SWT1: variants seen among roughly 807,000 people sequenced by gnomAD.
SWT1 encodes the protein SWT1 RNA endoribonuclease homolog.
Under a neutral mutation model 107.3 loss-of-function variants are expected in SWT1, and 33 were observed. The ratio of observed to expected loss-of-function variants is 0.31; its 90% CI spans 0.23 to 0.41. The LOEUF (loss-of-function observed/expected upper bound fraction) is 0.41, where lower values mean the gene tolerates loss of function less well. Among genes scored for constraint, SWT1 ranks in the 10% least tolerant of loss-of-function variants. The pLI is 1.00. For missense variants in SWT1, 898 were observed against 1,028.9 expected, an observed-to-expected ratio of 0.87 and a Z score of 1.74; for synonymous variants, 345 against 348.3, an observed-to-expected ratio of 0.99 and a Z score of 0.11.
rs1571397643 is a variant in SWT1, at chr1:185,168,356, A to T, written c.182A>T (p.Asp61Val). 7.7e-7 allele frequency: 1 copy of T among 1,295,262 alleles called. No individual in the cohort carries two copies. The highest frequency in any genetic ancestry group is 2.8e-5 in the East Asian group (1 of 35,564). The allele number at this position is 1,295,262 out of a possible 1,614,324, so 80.2% of individuals were successfully genotyped here. ...EKRKLKSDHT[D>V]VLYYNIKRRQ... The stretch of plus-strand genomic sequence containing the variant: ...TTATTTCAGAAATCAGATCATACAG[A>T]TGTTCTGTACTATAATATAAAAAGA... The change falls in exon 4 of 19, where the codon GAT becomes GTT. Residue 61 changes from aspartate (D) to valine (V), a missense_variant. Asp to Val is a radical substitution (Grantham distance 152, BLOSUM62 -3). Around this residue, in one of 6 missense-constraint regions of SWT1, gnomAD observed 382 missense variants for 362.4 expected, o/e 1.05. Coordinates refer to ENST00000367500, the MANE Select transcript of SWT1 (RefSeq NM_017673.7).
At chr1:185,253,678 G>A (rs1042137954) in intron 16 of SWT1, among the ~76,000 whole-genome samples, 14 of 152,054 alleles carry the variant, frequency 9.2e-5, no homozygotes, top group African/African-American at 2.4e-4. Flanking sequence ...GGAGATTTTC[G>A]GCTGAGACGA....
At chr1:185,203,881 A>G (rs1658093702) in intron 11 of SWT1, among the ~76,000 whole-genome samples, 1 of 152,188 alleles carries the variant, frequency 6.6e-6, no homozygotes, top group Non-Finnish European at 1.5e-5. Context: ...TTTTGTCATA[A>G]TATTCAAAAT....
intron 2 of SWT1, among the ~76,000 whole-genome samples, chr1:185,162,751 C>T (rs1654255105): frequency 6.6e-6 from 1 of 151,914 alleles, no homozygotes; most frequent in Admixed American, 6.6e-5. Flanking sequence ...TTTGTTTATC[C>T]AGTACATATA....
At chr1:185,220,989 T>G (rs1054582044) in intron 14 of SWT1, among the ~76,000 whole-genome samples, 3 of 152,266 alleles carry the variant, frequency 2.0e-5, no homozygotes, top group Middle Eastern at 6.8e-3. Context: ...CTGTATACAT[T>G]CCTCTGGGGA....
intron 1 of SWT1, among the ~76,000 whole-genome samples, chr1:185,160,520 G>A (rs1341663053): frequency 2.0e-5 from 3 of 152,046 alleles, no homozygotes; most frequent in African/African-American, 7.2e-5. Context: ...GACCAACATG[G>A]TGAAACCCTG....
chr1:185,211,175 A>T (rs898795781), intron 13 of SWT1, among the ~76,000 whole-genome samples: 1 of 152,220 alleles, frequency 6.6e-6, no homozygotes, highest in Admixed American at 6.6e-5. Flanking sequence ...CTTTCTTCAC[A>T]GAATTGGAAA....
chr1:185,199,995 G>A (rs1259086185), intron 10 of SWT1, among the ~76,000 whole-genome samples: 2 of 151,798 alleles, frequency 1.3e-5, no homozygotes, highest in Non-Finnish European at 1.5e-5. Context: ...TCATTAAGTT[G>A]ATCTTCAGTT....
chr1:185,173,412 G>A (rs16823804), intron 4 of SWT1, among the ~76,000 whole-genome samples: 2,343 of 151,952 alleles, frequency 0.015, 61 homozygotes, highest in African/African-American at 0.053. Flanking sequence ...TAAGAAATCA[G>A]GTTGGGCGTA....
At chr1:185,180,210 A>G (rs1053317488) in intron 5 of SWT1, among the ~76,000 whole-genome samples, 181 bp from the exon 6 acceptor site, 4 of 152,104 alleles carry the variant, frequency 2.6e-5, no homozygotes, top group Admixed American at 2.0e-4. Context: ...GAGTAGGGGT[A>G]GGTGGGTAGT....
At chr1:185,166,042 AT>A (rs1488322936) in intron 2 of SWT1, among the ~76,000 whole-genome samples, 1 of 151,424 alleles carries the variant, frequency 6.6e-6, no homozygotes, top group African/African-American at 2.4e-5. Flanking sequence ...TCTCTGCTTT[AT>A]TTTTTTCCAC....
chr1:185,172,907 G>T (rs924346705), intron 4 of SWT1, among the ~76,000 whole-genome samples: 1 of 152,042 alleles, frequency 6.6e-6, no homozygotes, highest in Non-Finnish European at 1.5e-5. Context: ...AGCCGGGCGT[G>T]GTGGTGTGTG....
At chr1:185,217,354 C>T (rs1659299260) in intron 14 of SWT1, among the ~76,000 whole-genome samples, 1 of 152,198 alleles carries the variant, frequency 6.6e-6, no homozygotes, top group Admixed American at 6.5e-5. Flanking sequence ...CCATCACTCA[C>T]ATTACTGTCT....
Position 185,174,378 on chromosome 1 carries a change from T to G in SWT1, c.231T>G (p.Ser77Arg). The G allele has an allele frequency of 6.5e-7, 1 of 1,542,932 alleles. No individual in the cohort carries two copies. Among genetic ancestry groups the G allele is most frequent in the South Asian group, 1.3e-5 (1 of 77,336 alleles). Residue 77 changes from serine (S) to arginine (R), a missense_variant, in exon 5 of 19, where the codon AGT (serine) becomes AGG (arginine). Ser to Arg is a moderately radical substitution (Grantham distance 110). This residue lies in a region of SWT1 where 382 missense variants were observed against 362.4 expected (regional missense o/e 1.05). Coordinates refer to ENST00000367500, the MANE Select transcript of SWT1 (RefSeq NM_017673.7). ...TTTCTGTGCTGTTTTACAGATTGAG[T>G]GTAGAAATTGACACTCTCAGAAGGA... Reference protein sequence around the residue: ...IKRRQGLKRLSVEIDTLRRRP... With the variant: ...IKRRQGLKRLRVEIDTLRRRP...
intron 2 of SWT1, among the ~76,000 whole-genome samples, chr1:185,162,872 G>T (rs1484099451): frequency 6.6e-6 from 1 of 151,714 alleles, no homozygotes; most frequent in African/African-American, 2.4e-5. Flanking sequence ...GATCCCTTGA[G>T]CCCAGGAGTT....
chr1:185,256,708 T>A (rs1411122139), intron 16 of SWT1, among the ~76,000 whole-genome samples: 1 of 151,324 alleles, frequency 6.6e-6, no homozygotes, highest in Non-Finnish European at 1.5e-5. Context: ...GTTTTCAACT[T>A]CTTTGCCTTT....
At chr1:185,205,140 G>GA (rs759650031) in intron 12 of SWT1, among the ~76,000 whole-genome samples, 1 of 151,466 alleles carries the variant, frequency 6.6e-6, no homozygotes. Flanking sequence ...TAAATTGAAT[G>GA]AAAAAAAACT....
intron 15 of SWT1, chr1:185,227,303 C>T (rs934682554): frequency 2.7e-6 from 2 of 744,680 alleles, no homozygotes; most frequent in African/African-American, 1.7e-5. Context: ...CGGTGCTCTC[C>T]ACATTGTATT....
At position 185,174,318 on chromosome 1, in the gene SWT1, G is replaced by C. The variant is rs558863024; in HGVS notation, c.225-54G>C. The C allele has an allele frequency of 3.6e-6, 5 of 1,394,944 alleles. No individual in the cohort carries two copies. The African/African-American group carries it at 7.3e-5, about 20-fold the overall frequency. 86.4% of individuals were successfully genotyped at this position (1,394,944 alleles called of 1,614,324 possible). A position where few individuals can be genotyped will look rare whatever the true frequency, so the allele number is the denominator to read the frequency against. ...CTGTTATTCTAACTAAAATGATAGA[G>C]TGCAACATTATGTATAATTATAATG... On this transcript the variant is annotated intron_variant, in intron 4 of 18. Coordinates refer to ENST00000367500, the MANE Select transcript of SWT1 (RefSeq NM_017673.7).
In SWT1 at chr1:185,171,384, G is replaced by A. The variant is rs1440472007; in HGVS notation, c.224+2986G>A. Reference sequence around the variant, plus strand: ...TTGTTCTGGTTAATTTGGAAGTAACGTAATTCATAACCCCTTTTGCTGTTA... The same window carrying A: ...TTGTTCTGGTTAATTTGGAAGTAACATAATTCATAACCCCTTTTGCTGTTA... On this transcript the variant is annotated intron_variant, in intron 4 of 18. Transcript: ENST00000367500. The A allele has an allele frequency of 2.2e-5, 5 of 229,956 alleles. No homozygotes were observed. In the East Asian group the frequency reaches 5.7e-4, roughly 26 times the overall value. The allele number at this position is 229,956 out of a possible 1,614,324, so 14.2% of individuals were successfully genotyped here.
Sources: allele counts gnomAD v4.1 joint callset (sites outside exome capture counted in the v4.1 genomes callset), GRCh38; gene constraint gnomAD v4.1.1; regional missense constraint gnomAD v4.1.1; transcripts MANE v1.5; gene names NCBI Gene and HGNC (gene_info 2026-07-23, HGNC 2026-07-21).